MAK16: variants seen among roughly 807,000 people sequenced by gnomAD.
MAK16 encodes MAK16 homolog, also known as protein MAK16 homolog.
In MAK16, 12 loss-of-function variants were observed where a neutral mutation model predicts 49.9. That is an observed-to-expected ratio of 0.24 (90% confidence interval 0.15 to 0.39). MAK16 has a LOEUF of 0.39. Among genes scored for constraint, MAK16 ranks in the 10% least tolerant of loss-of-function variants. The pLI is 1.00. For synonymous variants in MAK16, 115 were observed against 126.4 expected, an observed-to-expected ratio of 0.91 and a Z score of 0.60; for missense variants, 292 against 363.7, an observed-to-expected ratio of 0.80 and a Z score of 1.60.
At position 33,500,806 on chromosome 8, in the gene MAK16, A is replaced by C; in HGVS notation, c.*2177A>C. 1 of 289,608 alleles carries C rather than the reference A, an allele frequency of 3.5e-6. No homozygotes were observed. Among genetic ancestry groups the C allele is most frequent in the Non-Finnish European group, 6.6e-6 (1 of 151,256 alleles). The allele number at this position is 289,608 out of a possible 1,614,324, so 17.9% of individuals were successfully genotyped here. On this transcript the variant is annotated 3_prime_UTR_variant, in exon 10 of 10. Transcript: ENST00000360128. ...AGGGGAAACCAGGATCTCCCCAACC[A>C]AGGGCCTATACTTTTATTTTTCAAC...
intron 9 of MAK16, among the ~76,000 whole-genome samples, chr8:33,497,746 A>T (rs1269121385): frequency 6.6e-6 from 1 of 151,456 alleles, no homozygotes; most frequent in African/African-American, 2.4e-5. Context: ...CGCCTGCCTC[A>T]GTCTCCCAAA....
chr8:33,500,563 G>A lies in MAK16; in HGVS notation c.*1934G>A. 6 of 1,560,494 alleles carry A rather than the reference G, an allele frequency of 3.8e-6. No homozygotes were observed. The highest frequency in any genetic ancestry group is 5.3e-6 in the Non-Finnish European group (6 of 1,142,724). On this transcript the variant is annotated 3_prime_UTR_variant, in exon 10 of 10. Coordinates refer to ENST00000360128, the MANE Select transcript of MAK16 (RefSeq NM_032509.4). ...AAAATTGGAAGAGACTTCAAAGACTGTCAAGTGGAAAGCTATCATTTCCTA... is the reference window on the plus strand; with the variant it reads ...AAAATTGGAAGAGACTTCAAAGACTATCAAGTGGAAAGCTATCATTTCCTA...
In MAK16 at chr8:33,498,939, C is replaced by G; in HGVS notation, c.*310C>G. Reference sequence around the variant, plus strand: ...TGTAAATATTTCTAAATTTTAAATGCTACATTACTTGGTGTCCTTTTTTCT... The same window carrying G: ...TGTAAATATTTCTAAATTTTAAATGGTACATTACTTGGTGTCCTTTTTTCT... On this transcript the variant is annotated 3_prime_UTR_variant, in exon 10 of 10. Coordinates refer to ENST00000360128, the MANE Select transcript of MAK16 (RefSeq NM_032509.4). 1 of 582,876 alleles carries G rather than the reference C, an allele frequency of 1.7e-6. No individual in the cohort carries two copies. 36.1% of individuals were successfully genotyped at this position (582,876 alleles called of 1,614,324 possible). A position where few individuals can be genotyped will look rare whatever the true frequency, so the allele number is the denominator to read the frequency against.
At position 33,495,569 on chromosome 8, in the gene MAK16, G is replaced by A. The variant is rs770967650; in HGVS notation, c.475G>A (p.Asp159Asn). 6 of 1,613,882 alleles carry A rather than the reference G, an allele frequency of 3.7e-6. No homozygotes were observed. Among genetic ancestry groups the A allele is most frequent in the Non-Finnish European group, 5.1e-6 (6 of 1,179,964 alleles). Residue 159 changes from aspartate (D) to asparagine (N), a missense_variant, in exon 7 of 10, where the codon GAC (aspartate) becomes AAC (asparagine). Physicochemically the swap from Asp to Asn is conservative, Grantham distance 23. Coordinates refer to ENST00000360128, the MANE Select transcript of MAK16 (RefSeq NM_032509.4). ...EEKALIAAQL[D>N]NAIEKELLER... ...AAAGGCATTAATAGCTGCTCAGCTG[G>A]ACAATGCCATTGAGAAGGAATTACT...
rs779667461 is a variant in MAK16 at position 33,500,471 on chromosome 8, C to T, written c.*1842C>T. 4 of 1,614,018 alleles carry T rather than the reference C, an allele frequency of 2.5e-6. No homozygotes were observed. The South Asian group carries it at 4.4e-5, about 18-fold the overall frequency. On this transcript the variant is annotated 3_prime_UTR_variant, in exon 10 of 10. Coordinates refer to ENST00000360128, the MANE Select transcript of MAK16 (RefSeq NM_032509.4). ...AGTTTCAAGAGGGCCTTCAGTAAGA[C>T]CACAAGTCTGCAGGAAACTCTGGAA...
Position 33,488,503 on chromosome 8 carries a change from C to G in MAK16, c.66-17C>G. ...GCAACCCATTTTATAATCTTTGTTT[C>G]TTTTCTCCCATTCTAGAACCAAGAC... is the stretch of plus-strand genomic sequence containing the variant. On this transcript the variant is annotated splice_polypyrimidine_tract_variant and intron_variant, in intron 2 of 9. Coordinates refer to ENST00000360128, the MANE Select transcript of MAK16 (RefSeq NM_032509.4). The G allele has an allele frequency of 1.2e-6, 2 of 1,613,924 alleles. No individual in the cohort carries two copies. Among genetic ancestry groups the G allele is most frequent in the South Asian group, 2.2e-5 (2 of 91,064 alleles).
In MAK16 at chr8:33,489,479, C is replaced by T. The variant is rs1388889388; in HGVS notation, c.392+340C>T. Among the ~76,000 whole-genome samples the T allele has an allele frequency of 2.0e-5, 3 of 152,180 alleles. No individual in the cohort carries two copies. The highest frequency in any genetic ancestry group is 4.4e-5 in the Non-Finnish European group (3 of 68,028). On this transcript the variant is annotated intron_variant, in intron 5 of 9. Coordinates refer to ENST00000360128, the MANE Select transcript of MAK16 (RefSeq NM_032509.4). This position sits in a 1 kb window ranked among gnomAD's most constrained non-coding sequence, Gnocchi z 4.2. The stretch of plus-strand genomic sequence containing the variant: ...GCAACCTCCATCTCCCCGGTTGAAG[C>T]AATCCTCCCACCTCAGCCTCCTGAG...
chr8:33,498,709 C>G lies in MAK16; in HGVS notation c.*80C>G. Reference sequence around the variant, plus strand: ...TTTTTTATCTTAAACACATACACACCTCCAGTTTTTGCTCTTTTGTGTTGT... The same window carrying G: ...TTTTTTATCTTAAACACATACACACGTCCAGTTTTTGCTCTTTTGTGTTGT... On this transcript the variant is annotated 3_prime_UTR_variant, in exon 10 of 10. Coordinates refer to ENST00000360128, the MANE Select transcript of MAK16 (RefSeq NM_032509.4). The G allele has an allele frequency of 8.1e-7, 1 of 1,234,344 alleles. No individual in the cohort carries two copies. Among genetic ancestry groups the G allele is most frequent in the Non-Finnish European group, 1.1e-6 (1 of 883,008 alleles). The allele number at this position is 1,234,344 out of a possible 1,614,324, so 76.5% of individuals were successfully genotyped here.
chr8:33,488,357 G>C (rs938562872), intron 1 of MAK16, 21 bp from the exon 2 acceptor site: 1 of 1,613,600 alleles, frequency 6.2e-7, no homozygotes, highest in Non-Finnish European at 8.5e-7. Flanking sequence ...ATTTGAAATG[G>C]GCTTTTACTT....
rs370845610 is a variant in MAK16, at chr8:33,496,648, C to T, written c.546C>T (p.Pro182=). 5.6e-6 allele frequency: 9 copies of T among 1,613,244 alleles called. No individual in the cohort carries two copies. The African/African-American group carries it at 9.4e-5, about 17-fold the overall frequency. The change falls in exon 8 of 10, where the codon CCC becomes CCT. Residue 182 remains proline, a synonymous_variant. Coordinates refer to ENST00000360128, the MANE Select transcript of MAK16 (RefSeq NM_032509.4). The part of the protein sequence containing the change: ...QDTYGDIYNF[P]IHAFDKALEQ... ...AGTATGGCGACATCTACAACTTCCC[C>T]ATTCATGCCTTCGACAAAGCCCTGG...
At position 33,497,419 on chromosome 8, in the gene MAK16, A is replaced by G. The variant is rs575368867; in HGVS notation, c.705+122A>G. ...ATAATTGCAGCACTTTGGGAGGCCAAAATGGGAGGATTGTTTGAGCTCAGG... is the reference window on the plus strand; with the variant it reads ...ATAATTGCAGCACTTTGGGAGGCCAGAATGGGAGGATTGTTTGAGCTCAGG... On this transcript the variant is annotated intron_variant, in intron 9 of 9. Coordinates refer to ENST00000360128, the MANE Select transcript of MAK16 (RefSeq NM_032509.4). 3.7e-5 allele frequency: 25 copies of G among 672,576 alleles called. No homozygotes were observed. In the African/African-American group the frequency reaches 4.4e-4, roughly 12 times the overall value. The allele number at this position is 672,576 out of a possible 1,614,324, so 41.7% of individuals were successfully genotyped here. A position where few individuals can be genotyped will look rare whatever the true frequency, so the allele number is the denominator to read the frequency against.
At chr8:33,492,473 A>G (rs902752566) in intron 6 of MAK16, among the ~76,000 whole-genome samples, 10 of 152,140 alleles carry the variant, frequency 6.6e-5, no homozygotes, top group Non-Finnish European at 1.5e-4. Flanking sequence ...ATATTAAGAA[A>G]TTTTGCCCAG....
intron 5 of MAK16, 71 bp from the exon 6 acceptor site, chr8:33,490,214 T>G: frequency 7.5e-7 from 1 of 1,329,030 alleles, no homozygotes; most frequent in South Asian, 1.2e-5. Flanking sequence ...TCCAATCCTT[T>G]TTTCTTCTCA....
chr8:33,489,011 G>T lies in MAK16; in HGVS notation c.264G>T (p.Glu88Asp). Residue 88 changes from glutamate to aspartate, a missense_variant, in exon 5 of 10, where the codon GAG becomes GAT. Coordinates refer to ENST00000360128, the MANE Select transcript of MAK16 (RefSeq NM_032509.4). The surrounding 1 kb of genome is among the most constrained non-coding windows in gnomAD (Gnocchi z 4.2). Reference protein sequence around the residue: ...WERVRLSKNYEKALEQIDENL... With the variant: ...WERVRLSKNYDKALEQIDENL... ...AGGTCCGGCTTAGTAAAAACTATGA[G>T]AAAGCACTGGAGCAAATAGATGAAA... 6.2e-7 allele frequency: 1 copy of T among 1,614,034 alleles called. No individual in the cohort carries two copies. Among genetic ancestry groups the T allele is most frequent in the Non-Finnish European group, 8.5e-7 (1 of 1,180,016 alleles).
chr8:33,486,648 C>T (rs541597302), intron 1 of MAK16, among the ~76,000 whole-genome samples: 1 of 152,252 alleles, frequency 6.6e-6, no homozygotes, highest in African/African-American at 2.4e-5. Flanking sequence ...AGACCTTTTA[C>T]GTCAGTATAA....
Position 33,485,392 on chromosome 8 carries a change from G to T in MAK16, c.15+171G>T, listed in dbSNP as rs1016080463. ...TAGGTTCTCACGCGTGTCTAGCAGG[G>T]GTTTACTGCCCGCTGCCCCGGCCGG... is the stretch of plus-strand genomic sequence containing the variant. On this transcript the variant is annotated intron_variant, in intron 1 of 9. Coordinates refer to ENST00000360128, the MANE Select transcript of MAK16 (RefSeq NM_032509.4). 17 of 846,216 alleles carry T rather than the reference G, an allele frequency of 2.0e-5. No homozygotes were observed. The African/African-American group carries it at 2.7e-4, about 13-fold the overall frequency. 52.4% of individuals were successfully genotyped at this position (846,216 alleles called of 1,614,324 possible). A position where few individuals can be genotyped will look rare whatever the true frequency, so the allele number is the denominator to read the frequency against.
chr8:33,494,786 T>C (rs914479158), intron 6 of MAK16, among the ~76,000 whole-genome samples: 3 of 145,642 alleles, frequency 2.1e-5, no homozygotes, highest in Non-Finnish European at 4.6e-5. Flanking sequence ...GCTGTAGCCC[T>C]TTTTTTTTTT....
At chr8:33,498,096 CAAAAAAA>C (rs71209938) in intron 9 of MAK16, among the ~76,000 whole-genome samples, 73,392 of 122,362 alleles carry the variant, frequency 0.6, 19,441 homozygotes, top group Middle Eastern at 0.64. Context: ...ACTCCGTCTC[CAAAAAAA>C]AAAAAAAAAA....
intron 9 of MAK16, 79 bp downstream of exon 9, chr8:33,497,376 G>C (rs1411040659): frequency 8.9e-7 from 1 of 1,121,530 alleles, no homozygotes; most frequent in African/African-American, 1.6e-5. Flanking sequence ...AGGTGGCCAG[G>C]CACCGTGGTT....
Sources: allele counts gnomAD v4.1 joint callset (sites outside exome capture counted in the v4.1 genomes callset), GRCh38; gene constraint gnomAD v4.1.1; non-coding constraint Gnocchi (gnomAD v3.1); transcripts MANE v1.5; gene names NCBI Gene and HGNC (gene_info 2026-07-23, HGNC 2026-07-21).